POU6F2: variants seen among roughly 807,000 people sequenced by gnomAD.
The protein encoded by POU6F2 is POU domain, class 6, transcription factor 2.
A neutral mutation model predicts 71.3 loss-of-function variants in POU6F2; 31 were observed. That is an observed-to-expected ratio of 0.43 (90% CI 0.33 to 0.59). The LOEUF is 0.59. POU6F2 is among the 20% of genes least tolerant of loss of function. The probability of loss-of-function intolerance (pLI) is 0.04; values close to 1 mark genes in which losing one functional copy is unlikely to be tolerated. For synonymous variants in POU6F2, 347 were observed against 355.7 expected, an observed-to-expected ratio of 0.98 and a Z score of 0.27; for missense variants, 783 against 856.8, an observed-to-expected ratio of 0.91 and a Z score of 1.07.
rs549407019 is a variant in POU6F2, at chr7:39,323,427, C to T, written c.599-16215C>T. Among the ~76,000 whole-genome samples the T allele has an allele frequency of 2.0e-5, 3 of 152,252 alleles. No individual in the cohort carries two copies. The South Asian group carries it at 6.2e-4, about 32-fold the overall frequency. On this transcript the variant is annotated intron_variant, in intron 4 of 9. Transcript: ENST00000518318. ...TCCTGATTTTTTAGTCTTGTCAACC[C>T]ATTCAAACTTTTTTCAAGCCCTGTT...
At chr7:39,116,229 T>G (rs970649901) in intron 2 of POU6F2, among the ~76,000 whole-genome samples, 6 of 151,938 alleles carry the variant, frequency 3.9e-5, no homozygotes, top group African/African-American at 1.2e-4. Flanking sequence ...TATAAAAAAT[T>G]TAAAAATTAT....
At chr7:39,022,638 T>C (rs1388995056) in intron 1 of POU6F2, among the ~76,000 whole-genome samples, 3 of 152,166 alleles carry the variant, frequency 2.0e-5, no homozygotes, top group Non-Finnish European at 4.4e-5. Flanking sequence ...TATGTCTTCA[T>C]TCTTCACTCA....
chr7:39,378,518 C>T (rs574878827), intron 5 of POU6F2, among the ~76,000 whole-genome samples: 1 of 152,138 alleles, frequency 6.6e-6, no homozygotes, highest in East Asian at 1.9e-4. Flanking sequence ...AGAGCGTGAA[C>T]CAAGAGTCAG....
chr7:39,174,612 C>T (rs140565605), intron 2 of POU6F2, among the ~76,000 whole-genome samples: 2 of 152,200 alleles, frequency 1.3e-5, no homozygotes, highest in African/African-American at 4.8e-5. Context: ...TGCCCACCTC[C>T]TCCTTCCTTC....
chr7:39,389,154 C>T (rs547956338), intron 5 of POU6F2, among the ~76,000 whole-genome samples: 2 of 152,098 alleles, frequency 1.3e-5, no homozygotes, highest in Non-Finnish European at 2.9e-5. Context: ...CAGCAAGCCC[C>T]CGTGCCATTT....
chr7:39,293,052 C>T (rs1470633316), intron 4 of POU6F2, among the ~76,000 whole-genome samples: 1 of 152,020 alleles, frequency 6.6e-6, no homozygotes, highest in South Asian at 2.1e-4. Context: ...CTAGTGATTG[C>T]GTGAAAAGCC....
At chr7:39,424,213 T>C (rs1385563339) in intron 6 of POU6F2, among the ~76,000 whole-genome samples, 2 of 152,204 alleles carry the variant, frequency 1.3e-5, no homozygotes, top group African/African-American at 2.4e-5. Flanking sequence ...TATATTGGAC[T>C]TGAGGTTTCA....
intron 4 of POU6F2, among the ~76,000 whole-genome samples, chr7:39,208,557 A>G: frequency 6.6e-6 from 1 of 152,190 alleles, no homozygotes. Flanking sequence ...ATCAGTCCAC[A>G]AGACTAAGAA....
rs185827147 is a variant in POU6F2, at chr7:39,118,062, C to T, written c.277+32031C>T. ...TAGAATGCTGATAGCCATCCTTAGA[C>T]TCTTATAATACCGCCTTTCCCATGT... On this transcript the variant is annotated intron_variant, in intron 2 of 9. Coordinates refer to ENST00000518318, the MANE Select transcript of POU6F2 (RefSeq NM_001370959.1). Among the ~76,000 whole-genome samples, 307 of 152,230 alleles carry T rather than the reference C, an allele frequency of 2.0e-3. 1 individual carries two copies. The highest frequency in any genetic ancestry group is 7.0e-3 in the African/African-American group (289 of 41,526).
intron 1 of POU6F2, among the ~76,000 whole-genome samples, chr7:39,077,428 A>T (rs1791024060): frequency 6.6e-6 from 1 of 152,188 alleles, no homozygotes; most frequent in Non-Finnish European, 1.5e-5. Flanking sequence ...ATTGATTGTT[A>T]TGTTGTTATT....
chr7:39,122,155 A>G (rs1792056490), intron 2 of POU6F2, among the ~76,000 whole-genome samples: 3 of 152,240 alleles, frequency 2.0e-5, no homozygotes, highest in Non-Finnish European at 4.4e-5. Flanking sequence ...TGAAATGTGT[A>G]TATGTATTTT....
chr7:39,427,220 A>C (rs1787992789), intron 6 of POU6F2, among the ~76,000 whole-genome samples: 1 of 152,238 alleles, frequency 6.6e-6, no homozygotes, highest in Non-Finnish European at 1.5e-5. Context: ...TAGTTCTCAC[A>C]GTAACCTTAT....
intron 2 of POU6F2, among the ~76,000 whole-genome samples, chr7:39,144,507 TC>T (rs1792574182): frequency 6.6e-6 from 1 of 152,196 alleles, no homozygotes; most frequent in African/African-American, 2.4e-5. Flanking sequence ...TCTCTATTAA[TC>T]CCCTAAGTGT....
chr7:38,999,526 G>A (rs1788838719), intron 1 of POU6F2, among the ~76,000 whole-genome samples: 1 of 152,082 alleles, frequency 6.6e-6, no homozygotes, highest in South Asian at 2.1e-4. Context: ...TATACTATAT[G>A]TGTAACTGGT....
In POU6F2 at chr7:39,467,867, A is replaced by C. The variant is rs1188642304; in HGVS notation, c.*3181A>C. The C allele has an allele frequency of 6.6e-6, 1 of 152,228 alleles. No individual in the cohort carries two copies. Among genetic ancestry groups the C allele is most frequent in the Non-Finnish European group, 1.5e-5 (1 of 68,046 alleles). 9.4% of individuals were successfully genotyped at this position (152,228 alleles called of 1,614,324 possible). A position where few individuals can be genotyped will look rare whatever the true frequency, so the allele number is the denominator to read the frequency against. ...TGCTCGTTTCTCTACGCTGGACCAA[A>C]GCTCAATATTTGTAGGTATATGCAC... On this transcript the variant is annotated 3_prime_UTR_variant, in exon 10 of 10. Coordinates refer to ENST00000518318, the MANE Select transcript of POU6F2 (RefSeq NM_001370959.1).
intron 5 of POU6F2, among the ~76,000 whole-genome samples, chr7:39,397,501 T>TAC (rs1239254767): frequency 1.5e-5 from 2 of 131,354 alleles, no homozygotes; most frequent in Non-Finnish European, 3.3e-5. Context: ...TATATATATA[T>TAC]ACACATTTTG....
At chr7:39,192,739 G>A (rs1014129707) in intron 2 of POU6F2, among the ~76,000 whole-genome samples, 2 of 152,116 alleles carry the variant, frequency 1.3e-5, no homozygotes, top group East Asian at 1.9e-4. Flanking sequence ...ACATTCTCAC[G>A]CCTCCCCCTT....
chr7:39,159,053 C>T (rs894468270), intron 2 of POU6F2, among the ~76,000 whole-genome samples: 2 of 151,888 alleles, frequency 1.3e-5, no homozygotes, highest in Non-Finnish European at 2.9e-5. Flanking sequence ...TGGTGCGTGC[C>T]TGTAATCCCA....
chr7:39,114,993 T>C (rs947584580), intron 2 of POU6F2, among the ~76,000 whole-genome samples: 2 of 152,228 alleles, frequency 1.3e-5, no homozygotes, highest in Non-Finnish European at 2.9e-5. Context: ...CTAAAATGCC[T>C]ATTACTAGTT....
Sources: gnomAD v4.1 joint callset for allele counts (sites outside exome capture counted in the v4.1 genomes callset) on GRCh38, gnomAD v4.1.1 for gene constraint, MANE v1.5 for transcripts, NCBI Gene and HGNC (gene_info 2026-07-23, HGNC 2026-07-21) for gene names.